The following SLC27A6 variants were observed in gnomAD, a reference collection of about 807,000 sequenced individuals.
SLC27A6 encodes the protein solute carrier family 27 member 6.
A neutral mutation model predicts 63.9 loss-of-function variants in SLC27A6; 74 were observed. The ratio of observed to expected loss-of-function variants is 1.16; its 90% CI spans 0.96 to 1.40. The LOEUF is 1.40. SLC27A6 is among the 40% of genes most tolerant of loss of function. The pLI, the probability that SLC27A6 is intolerant of heterozygous loss-of-function variation, is 0.00. For synonymous variants in SLC27A6, 287 were observed against 260.8 expected, an observed-to-expected ratio of 1.10 and a Z score of -0.97; for missense variants, 794 against 732.9, an observed-to-expected ratio of 1.08 and a Z score of -0.96.
chr5:129,013,016 C>A (rs1751775574), intron 4 of SLC27A6, among the ~76,000 whole-genome samples: 1 of 151,488 alleles, frequency 6.6e-6, no homozygotes, highest in African/African-American at 2.4e-5. Flanking sequence ...TGTTCCCTTT[C>A]CCCCTTAATC....
At position 128,966,308 on chromosome 5, in the gene SLC27A6, G is replaced by A. The variant is rs372804742; in HGVS notation, c.171G>A (p.Leu57=). 1.3e-5 allele frequency: 21 copies of A among 1,614,082 alleles called. No individual in the cohort carries two copies. The highest frequency in any genetic ancestry group is 1.8e-5 in the Non-Finnish European group (21 of 1,179,976). ...AGAGAGGGGAGCTGGTGACTGTGCT[G>A]GATAAATTCTTGAGTCATGCCAAAA... ...YEKRGELVTV[L]DKFLSHAKRQ... The change falls in exon 1 of 10, where the codon CTG becomes CTA. Residue 57 remains leucine (L), a synonymous_variant. Coordinates refer to ENST00000262462, the MANE Select transcript of SLC27A6 (RefSeq NM_001017372.3).
At chr5:129,007,315 G>A (rs1031302247) in intron 4 of SLC27A6, among the ~76,000 whole-genome samples, 4 of 150,914 alleles carry the variant, frequency 2.7e-5, no homozygotes, top group African/African-American at 4.9e-5. Context: ...GTGGTGGCAC[G>A]TACCTGTAAT....
At chr5:129,002,643 G>C (rs1243037060) in intron 4 of SLC27A6, among the ~76,000 whole-genome samples, 1 of 151,956 alleles carries the variant, frequency 6.6e-6, no homozygotes, top group Admixed American at 6.6e-5. Context: ...CCATGCTCTA[G>C]GTAATGAGGT....
chr5:129,009,947 G>A (rs1200369708), intron 4 of SLC27A6, among the ~76,000 whole-genome samples: 1 of 152,144 alleles, frequency 6.6e-6, no homozygotes, highest in African/African-American at 2.4e-5. Flanking sequence ...AAAGTACTGG[G>A]ATTACAGGCA....
At chr5:128,984,248 G>T (rs1750708740) in intron 1 of SLC27A6, among the ~76,000 whole-genome samples, 1 of 152,220 alleles carries the variant, frequency 6.6e-6, no homozygotes. Flanking sequence ...GTATAGGAAT[G>T]ATGACATTGT....
intron 4 of SLC27A6, among the ~76,000 whole-genome samples, chr5:129,005,061 A>G (rs189340626): frequency 9.9e-5 from 15 of 152,180 alleles, no homozygotes; most frequent in African/African-American, 3.4e-4. Flanking sequence ...TTATTGTTCC[A>G]TCATCTTTCT....
At chr5:129,030,538 C>G (rs961723674) in intron 9 of SLC27A6, among the ~76,000 whole-genome samples, 6 of 151,960 alleles carry the variant, frequency 3.9e-5, no homozygotes, top group Non-Finnish European at 7.4e-5. Context: ...TATCATAATA[C>G]CTATTTCATC....
intron 9 of SLC27A6, among the ~76,000 whole-genome samples, chr5:129,032,818 T>C (rs778529891): frequency 4.6e-5 from 7 of 152,012 alleles, no homozygotes; most frequent in Admixed American, 2.6e-4. Flanking sequence ...TGGCATTGAA[T>C]TGAAGAGATA....
intron 4 of SLC27A6, among the ~76,000 whole-genome samples, chr5:128,997,303 T>A (rs1006027659): frequency 2.6e-5 from 4 of 152,190 alleles, no homozygotes; most frequent in African/African-American, 7.2e-5. Flanking sequence ...TTTGTATTCC[T>A]CAAATATTTG....
At chr5:129,028,773 T>C (rs932460398) in intron 8 of SLC27A6, among the ~76,000 whole-genome samples, 1 of 151,950 alleles carries the variant, frequency 6.6e-6, no homozygotes, top group Non-Finnish European at 1.5e-5. Context: ...TGTTTGTACA[T>C]ACCACTAAAC....
intron 4 of SLC27A6, among the ~76,000 whole-genome samples, chr5:128,994,400 C>T (rs1181983): frequency 0.33 from 49,722 of 151,888 alleles, 8,329 homozygotes; most frequent in Middle Eastern, 0.39. Context: ...ACAAGCTGTT[C>T]TTGGCATTAC....
At chr5:129,017,986 A>G (rs1751961012) in intron 5 of SLC27A6, among the ~76,000 whole-genome samples, 1 of 152,152 alleles carries the variant, frequency 6.6e-6, no homozygotes, top group South Asian at 2.1e-4. Context: ...AACCTGACGT[A>G]ATAGTGCAAG....
intron 8 of SLC27A6, 68 bp downstream of exon 8, chr5:129,028,510 A>G (rs1752318626): frequency 2.1e-6 from 2 of 935,600 alleles, no homozygotes; most frequent in Non-Finnish European, 3.4e-6. Flanking sequence ...TAGTTTTGCA[A>G]CAGTCTTGCT....
intron 4 of SLC27A6, among the ~76,000 whole-genome samples, chr5:129,003,201 G>C (rs755781700): frequency 1.2e-4 from 19 of 152,200 alleles, no homozygotes; most frequent in Non-Finnish European, 2.2e-4. Flanking sequence ...CTCTCTTACA[G>C]TGTGGGTTTC....
At chr5:128,974,128 C>A (rs2150128601) in intron 1 of SLC27A6, among the ~76,000 whole-genome samples, 1 of 152,324 alleles carries the variant, frequency 6.6e-6, no homozygotes, top group East Asian at 1.9e-4. Context: ...GTACATAGGA[C>A]TGGCTACTTC....
intron 1 of SLC27A6, among the ~76,000 whole-genome samples, chr5:128,967,033 A>G (rs922442465): frequency 6.6e-6 from 1 of 152,162 alleles, no homozygotes; most frequent in East Asian, 1.9e-4. Context: ...CAGAAGAGAT[A>G]TGTTTAAAGG....
At chr5:128,983,898 C>T (rs985903815) in intron 1 of SLC27A6, among the ~76,000 whole-genome samples, 1 of 152,182 alleles carries the variant, frequency 6.6e-6, no homozygotes, top group Non-Finnish European at 1.5e-5. Flanking sequence ...TGTCTCTTAG[C>T]TTCTGGTAGT....
chr5:129,025,972 A>C (rs934470074), intron 6 of SLC27A6, among the ~76,000 whole-genome samples: 2 of 152,062 alleles, frequency 1.3e-5, no homozygotes, highest in Non-Finnish European at 2.9e-5. Context: ...TCGTGTCTAC[A>C]AAAAAATTAC....
At chr5:129,009,181 A>T (rs1000744947) in intron 4 of SLC27A6, among the ~76,000 whole-genome samples, 1 of 152,190 alleles carries the variant, frequency 6.6e-6, no homozygotes, top group Non-Finnish European at 1.5e-5. Context: ...TTTAAAAATC[A>T]AAACAGTACT....
Sources: gnomAD v4.1 joint callset for allele counts (sites outside exome capture counted in the v4.1 genomes callset) on GRCh38, gnomAD v4.1.1 for gene constraint, MANE v1.5 for transcripts, NCBI Gene and HGNC (gene_info 2026-07-23, HGNC 2026-07-21) for gene names.